The following KDM4C variants were observed in gnomAD, a reference collection of about 807,000 sequenced individuals.
KDM4C encodes lysine demethylase 4C, also known as lysine-specific demethylase 4C.
KDM4C carries 81 observed loss-of-function variants against 129.3 expected under a neutral mutation model. That is an observed-to-expected ratio of 0.63 (90% CI 0.52 to 0.75). The LOEUF is 0.75. Among genes scored for constraint, KDM4C ranks in the 30% least tolerant of loss-of-function variants. The pLI is 0.00. For missense variants in KDM4C, 1,457 were observed against 1,304.0 expected (o/e 1.12, Z -1.81); for synonymous variants, 573 against 456.1 (o/e 1.26, Z -3.26).
At chr9:6,929,234 C>A (rs1422959741) in intron 8 of KDM4C, among the ~76,000 whole-genome samples, 1 of 152,136 alleles carries the variant, frequency 6.6e-6, no homozygotes, top group Non-Finnish European at 1.5e-5. Context: ...TGTTATAGGT[C>A]ATTGAAGACA....
chr9:6,841,182 C>T (rs1836850162), intron 4 of KDM4C, among the ~76,000 whole-genome samples: 1 of 151,992 alleles, frequency 6.6e-6, no homozygotes, highest in Non-Finnish European at 1.5e-5. Flanking sequence ...GTAGTTCCCC[C>T]TGTGAATTCT....
intron 11 of KDM4C, among the ~76,000 whole-genome samples, chr9:6,987,710 A>G (rs1817971959): frequency 6.6e-6 from 1 of 152,160 alleles, no homozygotes; most frequent in South Asian, 2.1e-4. Context: ...TTCTGATTTG[A>G]CCCAATAGTG....
Position 6,925,450 on chromosome 9 carries a change from C to T in KDM4C, c.921+32218C>T. 3.6e-6 allele frequency: 3 copies of T among 823,464 alleles called. 1 individual carries two copies. The highest frequency in any genetic ancestry group is 4.3e-6 in the Non-Finnish European group (3 of 689,710). 51.0% of individuals were successfully genotyped at this position (823,464 alleles called of 1,614,324 possible). The stretch of plus-strand genomic sequence containing the variant: ...CTCCTTTCCCCTTTTCCTCTTCCCC[C>T]TTCCCCCTCTCCTCCCCTCTTTTCA... On this transcript the variant is annotated intron_variant, in intron 8 of 21. Coordinates refer to ENST00000381309, the MANE Select transcript of KDM4C (RefSeq NM_015061.6).
chr9:6,737,872 C>T (rs1210356540), intron 1 of KDM4C, among the ~76,000 whole-genome samples: 1 of 151,922 alleles, frequency 6.6e-6, no homozygotes. Context: ...CAAGGTGGCT[C>T]ACACTTGTAA....
chr9:7,080,441 T>C (rs1030767507), intron 17 of KDM4C, among the ~76,000 whole-genome samples: 3 of 152,198 alleles, frequency 2.0e-5, no homozygotes, highest in African/African-American at 7.2e-5. Context: ...TTAAGGCCAT[T>C]GTATAGTTGG....
chr9:6,769,890 C>T (rs1396949352), intron 1 of KDM4C, among the ~76,000 whole-genome samples: 2 of 152,096 alleles, frequency 1.3e-5, no homozygotes, highest in African/African-American at 2.4e-5. Context: ...TTATTAAAAC[C>T]ATGTGTTACG....
intron 8 of KDM4C, among the ~76,000 whole-genome samples, chr9:6,963,593 A>G (rs1268095155): frequency 6.6e-6 from 1 of 152,236 alleles, no homozygotes; most frequent in Non-Finnish European, 1.5e-5. Flanking sequence ...CAATACAGAG[A>G]AAGATTCAGG....
At chr9:6,940,488 A>C (rs898962533) in intron 8 of KDM4C, among the ~76,000 whole-genome samples, 2 of 152,252 alleles carry the variant, frequency 1.3e-5, no homozygotes, top group African/African-American at 4.8e-5. Context: ...ATCCACCTCT[A>C]TAAAAATAAG....
intron 4 of KDM4C, among the ~76,000 whole-genome samples, chr9:6,845,298 T>G (rs1017634745): frequency 8.5e-5 from 13 of 152,184 alleles, no homozygotes; most frequent in Non-Finnish European, 1.5e-4. Flanking sequence ...CACTCTAGCC[T>G]TGACCTTCTG....
At chr9:6,939,267 C>G (rs929324870) in intron 8 of KDM4C, among the ~76,000 whole-genome samples, 1 of 152,026 alleles carries the variant, frequency 6.6e-6, no homozygotes, top group Admixed American at 6.5e-5. Context: ...CTGTTGTGAA[C>G]TGCACATGGG....
intron 17 of KDM4C, among the ~76,000 whole-genome samples, chr9:7,080,206 G>C (rs1834372529): frequency 6.6e-6 from 1 of 152,194 alleles, no homozygotes; most frequent in African/African-American, 2.4e-5. Flanking sequence ...GAGCAGAAGT[G>C]AAATATATTA....
chr9:6,818,849 C>G (rs1254671378), intron 4 of KDM4C: 1 of 152,168 alleles, frequency 6.6e-6, no homozygotes, highest in Non-Finnish European at 1.5e-5. Flanking sequence ...AGTCATTATG[C>G]ATAGTCAGTC....
At chr9:7,169,975 T>C (rs1333410702) in intron 21 of KDM4C, 85 bp downstream of exon 21, 9 of 1,595,572 alleles carry the variant, frequency 5.6e-6, no homozygotes, top group Non-Finnish European at 7.7e-6. Context: ...GCAGGAAACA[T>C]ACTTGGGCTT....
intron 1 of KDM4C, among the ~76,000 whole-genome samples, chr9:6,725,179 G>A (rs539785705): frequency 7.9e-5 from 12 of 152,162 alleles, no homozygotes; most frequent in South Asian, 6.2e-4. Flanking sequence ...GAGGGAGATC[G>A]AGGCCGAGGC....
chr9:6,810,486 T>G (rs1830947114), intron 3 of KDM4C, among the ~76,000 whole-genome samples: 1 of 152,228 alleles, frequency 6.6e-6, no homozygotes, highest in South Asian at 2.1e-4. Context: ...AGAGATGGTT[T>G]AAAAAATTTT....
intron 15 of KDM4C, among the ~76,000 whole-genome samples, chr9:7,046,559 C>T (rs192160006): frequency 2.0e-4 from 31 of 152,112 alleles, no homozygotes; most frequent in Non-Finnish European, 7.4e-5. Context: ...GTTCTCTGGA[C>T]TGCTAGGTTC....
At chr9:6,721,019 A>C (rs1445386650) in intron 1 of KDM4C, 152 of 1,547,470 alleles carry the variant, frequency 9.8e-5, no homozygotes, top group Non-Finnish European at 1.2e-4. Context: ...TCTGAACATA[A>C]TCCAGGACAC....
At chr9:7,162,410 T>C (rs1176184637) in intron 19 of KDM4C, among the ~76,000 whole-genome samples, 1 of 152,226 alleles carries the variant, frequency 6.6e-6, no homozygotes, top group Non-Finnish European at 1.5e-5. Flanking sequence ...CTGCCAATGC[T>C]GGATTAAGAT....
chr9:7,052,863 CAGAGAG>C lies in KDM4C; in HGVS notation c.2424+3696_2424+3701del, dbSNP rs370475585. ...CTAACCAGAGCTCTGGCCACACCTGCAGAGAGAGAGAGAGAGAGAGAGAGAGAGAGA... is the reference window on the plus strand; with the variant it reads ...CTAACCAGAGCTCTGGCCACACCTGCAGAGAGAGAGAGAGAGAGAGAGAGA... On this transcript the variant is annotated intron_variant, in intron 17 of 21. Transcript: ENST00000381309. 2.9e-4 allele frequency among the ~76,000 whole-genome samples: 12 copies of C among 41,070 alleles called. 1 individual carries two copies. Among genetic ancestry groups the C allele is most frequent in the South Asian group, 1.0e-3 (1 of 988 alleles). 26.9% of individuals were successfully genotyped at this position (41,070 alleles called of 152,430 possible). A position where few individuals can be genotyped will look rare whatever the true frequency, so the allele number is the denominator to read the frequency against.
Sources: gnomAD v4.1 joint callset for allele counts (sites outside exome capture counted in the v4.1 genomes callset) on GRCh38, gnomAD v4.1.1 for gene constraint, MANE v1.5 for transcripts, NCBI Gene and HGNC (gene_info 2026-07-23, HGNC 2026-07-21) for gene names.